Variants in PLD5 observed in about 807,000 individuals in gnomAD.
PLD5 encodes inactive phospholipase D5.
Under a neutral mutation model 61.1 loss-of-function variants are expected in PLD5, and 36 were observed. That is an observed-to-expected ratio of 0.59 (90% CI 0.45 to 0.78). PLD5 has a LOEUF of 0.78. PLD5 is among the 30% of genes least tolerant of loss of function. The pLI, the probability that PLD5 is intolerant of heterozygous loss-of-function variation, is 0.00. For missense variants in PLD5, 515 were observed against 644.4 expected (o/e 0.80, Z 2.17); for synonymous variants, 243 against 242.8 (o/e 1.00, Z -0.01).
At chr1:242,181,077 C>T (rs1366543008) in intron 5 of PLD5, among the ~76,000 whole-genome samples, 2 of 152,160 alleles carry the variant, frequency 1.3e-5, no homozygotes, top group African/African-American at 4.8e-5. Context: ...GTCTAAGGAT[C>T]ATGCTGAGAA....
intron 4 of PLD5, among the ~76,000 whole-genome samples, chr1:242,249,117 A>G (rs948424809): frequency 3.9e-4 from 59 of 152,214 alleles, no homozygotes; most frequent in African/African-American, 1.4e-3. Flanking sequence ...CTCTGTCTCA[A>G]AACAAAACTA....
chr1:242,137,609 A>C (rs75726144), intron 5 of PLD5, among the ~76,000 whole-genome samples: 1 of 152,210 alleles, frequency 6.6e-6, no homozygotes, highest in African/African-American at 2.4e-5. Flanking sequence ...TCCATTAGCC[A>C]GCCCAGTGTG....
intron 7 of PLD5, among the ~76,000 whole-genome samples, chr1:242,111,752 G>A (rs1241113398): frequency 4.0e-5 from 6 of 151,838 alleles, no homozygotes; most frequent in African/African-American, 1.5e-4. Flanking sequence ...ATGCTTGGAC[G>A]ACTACTTATG....
At position 242,507,672 on chromosome 1, in the gene PLD5, G is replaced by A. The variant is rs1432489214; in HGVS notation, c.189+16416C>T. The stretch of plus-strand genomic sequence containing the variant: ...ATTGTATTAAGTTTATTTCTTCTTC[G>A]AACAGGTCCATTGGCTAAAACAACA... On this transcript the variant is annotated intron_variant, in intron 1 of 9. Coordinates refer to ENST00000536534, the MANE Select transcript of PLD5 (RefSeq NM_001372062.1). Among the ~76,000 whole-genome samples the A allele has an allele frequency of 3.9e-5, 6 of 152,062 alleles. No homozygotes were observed. In the East Asian group the frequency reaches 5.8e-4, roughly 15 times the overall value.
intron 3 of PLD5, among the ~76,000 whole-genome samples, chr1:242,265,714 T>G (rs947670712): frequency 1.3e-5 from 2 of 152,164 alleles, no homozygotes; most frequent in African/African-American, 2.4e-5. Flanking sequence ...ACAATGCAAA[T>G]CTACCCTTTT....
intron 2 of PLD5, among the ~76,000 whole-genome samples, chr1:242,332,052 A>G (rs1659213147): frequency 6.6e-6 from 1 of 151,816 alleles, no homozygotes; most frequent in South Asian, 2.1e-4. Flanking sequence ...CCACCCCCTG[A>G]CAGACCCCAG....
At chr1:242,159,109 T>C (rs1174055638) in intron 5 of PLD5, among the ~76,000 whole-genome samples, 2 of 152,202 alleles carry the variant, frequency 1.3e-5, no homozygotes, top group Non-Finnish European at 2.9e-5. Context: ...CTTAATATAT[T>C]GATACGCCCC....
At chr1:242,236,950 A>T (rs1671674093) in intron 4 of PLD5, among the ~76,000 whole-genome samples, 1 of 152,346 alleles carries the variant, frequency 6.6e-6, no homozygotes, top group South Asian at 2.1e-4. Flanking sequence ...AGAACTTGAC[A>T]GCTTTAATTC....
intron 1 of PLD5, among the ~76,000 whole-genome samples, chr1:242,395,207 A>G (rs1663500293): frequency 6.6e-6 from 1 of 151,708 alleles, no homozygotes; most frequent in Non-Finnish European, 1.5e-5. Flanking sequence ...AGAAATCAAA[A>G]TTCATTTTTA....
intron 5 of PLD5, among the ~76,000 whole-genome samples, chr1:242,153,686 G>A (rs190284972): frequency 6.6e-6 from 1 of 152,184 alleles, no homozygotes; most frequent in African/African-American, 2.4e-5. Context: ...TATTTCTGAG[G>A]CCTCTGTTCT....
chr1:242,214,104 C>T (rs895448498), intron 5 of PLD5, among the ~76,000 whole-genome samples: 2 of 152,100 alleles, frequency 1.3e-5, no homozygotes, highest in African/African-American at 4.8e-5. Context: ...TGATAAACTC[C>T]TTCATTTCTT....
chr1:242,385,753 T>C (rs190277828), intron 1 of PLD5, among the ~76,000 whole-genome samples: 9 of 152,304 alleles, frequency 5.9e-5, no homozygotes, highest in Admixed American at 2.0e-4. Flanking sequence ...GAAAGCTTTT[T>C]AAAATAAATG....
At chr1:242,324,254 T>C (rs1658607619) in intron 2 of PLD5, among the ~76,000 whole-genome samples, 1 of 152,206 alleles carries the variant, frequency 6.6e-6, no homozygotes, top group African/African-American at 2.4e-5. Context: ...ATCCAGATAA[T>C]GTCACCTCAT....
At chr1:242,129,740 C>T (rs1260670538) in intron 5 of PLD5, among the ~76,000 whole-genome samples, 1 of 152,206 alleles carries the variant, frequency 6.6e-6, no homozygotes, top group African/African-American at 2.4e-5. Context: ...TAACCATCAT[C>T]ACCTGGATAG....
At chr1:242,438,717 C>T (rs550072695) in intron 1 of PLD5, among the ~76,000 whole-genome samples, 69 of 152,244 alleles carry the variant, frequency 4.5e-4, no homozygotes, top group African/African-American at 1.6e-3. Flanking sequence ...CGTGAGCCAC[C>T]GCACCCGGCC....
At chr1:242,408,870 C>A (rs1443312876) in intron 1 of PLD5, among the ~76,000 whole-genome samples, 1 of 152,046 alleles carries the variant, frequency 6.6e-6, no homozygotes, top group Non-Finnish European at 1.5e-5. Context: ...AGTTCGAGAC[C>A]AGCCTGGCCA....
At chr1:242,437,833 C>T (rs2810026) in intron 1 of PLD5, among the ~76,000 whole-genome samples, 91,613 of 151,690 alleles carry the variant, frequency 0.6, 28,775 homozygotes, top group African/African-American at 0.79. Flanking sequence ...AACTGAGGCA[C>T]ACAGAAGTTA....
At chr1:242,334,588 G>A (rs1659393720) in intron 2 of PLD5, among the ~76,000 whole-genome samples, 1 of 152,076 alleles carries the variant, frequency 6.6e-6, no homozygotes, top group African/African-American at 2.4e-5. Flanking sequence ...GCCCTGACTT[G>A]GCCCTGGGAG....
At chr1:242,206,824 G>C (rs550908343) in intron 5 of PLD5, among the ~76,000 whole-genome samples, 1 of 152,144 alleles carries the variant, frequency 6.6e-6, no homozygotes, top group Non-Finnish European at 1.5e-5. Flanking sequence ...AGGAGAAGCA[G>C]GCATATTCAG....
Sources: allele counts gnomAD v4.1 joint callset (sites outside exome capture counted in the v4.1 genomes callset), GRCh38; gene constraint gnomAD v4.1.1; transcripts MANE v1.5; gene names NCBI Gene and HGNC (gene_info 2026-07-23, HGNC 2026-07-21).